Variants in MACROD2 observed in about 807,000 individuals in gnomAD.
MACROD2 encodes mono-ADP ribosylhydrolase 2, also known as ADP-ribose glycohydrolase MACROD2.
A neutral mutation model predicts 70.4 loss-of-function variants in MACROD2; 36 were observed. That is an observed-to-expected ratio of 0.51 (90% confidence interval 0.39 to 0.68). The LOEUF (loss-of-function observed/expected upper bound fraction) is 0.68, where lower values mean the gene tolerates loss of function less well. Among genes scored for constraint, MACROD2 ranks in the 30% least tolerant of loss-of-function variants. The pLI is 0.00. For missense variants in MACROD2, 496 were observed against 538.4 expected (o/e 0.92, Z 0.78); for synonymous variants, 172 against 178.8 (o/e 0.96, Z 0.30).
intron 3 of MACROD2, among the ~76,000 whole-genome samples, chr20:14,102,834 G>A (rs957692179): frequency 3.3e-5 from 5 of 151,972 alleles, no homozygotes; most frequent in African/African-American, 9.7e-5. Flanking sequence ...GATGTAGGAT[G>A]GGGAAGAACT....
At chr20:15,624,261 G>T (rs1411020310) in intron 8 of MACROD2, among the ~76,000 whole-genome samples, 1 of 152,222 alleles carries the variant, frequency 6.6e-6, no homozygotes, top group Non-Finnish European at 1.5e-5. Flanking sequence ...GCCTTTTCTA[G>T]CCATGCTGGC....
chr20:16,042,596 G>C (rs1046862212), intron 16 of MACROD2, among the ~76,000 whole-genome samples: 8 of 151,980 alleles, frequency 5.3e-5, no homozygotes, highest in African/African-American at 4.8e-5. Flanking sequence ...CCATTTATTA[G>C]TAGGTTTTAG....
intron 5 of MACROD2, chr20:14,935,120 A>G (rs535751102): frequency 1.4e-5 from 2 of 139,158 alleles, no homozygotes; most frequent in Non-Finnish European, 3.1e-5. Flanking sequence ...TACAAATCCT[A>G]TATTTCACAC....
chr20:14,567,999 T>G (rs1466192936), intron 4 of MACROD2, among the ~76,000 whole-genome samples: 2 of 152,118 alleles, frequency 1.3e-5, no homozygotes, highest in Admixed American at 6.6e-5. Flanking sequence ...GAGCACATAC[T>G]TAGGACTGCC....
intron 3 of MACROD2, among the ~76,000 whole-genome samples, chr20:14,108,984 G>A (rs1216125653): frequency 1.3e-5 from 2 of 152,010 alleles, no homozygotes; most frequent in African/African-American, 2.4e-5. Context: ...TCAGCACGTG[G>A]ATCATTCTTA....
chr20:15,895,279 G>A (rs748767285), intron 10 of MACROD2, among the ~76,000 whole-genome samples: 1 of 152,150 alleles, frequency 6.6e-6, no homozygotes, highest in African/African-American at 2.4e-5. Context: ...CTGTAATTAT[G>A]TGGTCTAACA....
At chr20:15,426,520 A>G (rs2146349291) in intron 6 of MACROD2, among the ~76,000 whole-genome samples, 1 of 151,704 alleles carries the variant, frequency 6.6e-6, no homozygotes, top group South Asian at 2.1e-4. Context: ...AATTTTTTGT[A>G]TTTTTAGTAG....
At chr20:15,818,783 C>A (rs573923744) in intron 8 of MACROD2, among the ~76,000 whole-genome samples, 3 of 152,156 alleles carry the variant, frequency 2.0e-5, no homozygotes, top group South Asian at 2.1e-4. Flanking sequence ...AGCCAGTGCC[C>A]TGTGCTAATA....
At chr20:15,116,928 G>T (rs186235324) in intron 5 of MACROD2, among the ~76,000 whole-genome samples, 3 of 152,290 alleles carry the variant, frequency 2.0e-5, no homozygotes, top group East Asian at 3.9e-4. Context: ...TCTTTTTAAA[G>T]AAGTTAAAAT....
At chr20:15,192,052 ATCT>A (rs1404494721) in intron 5 of MACROD2, among the ~76,000 whole-genome samples, 1 of 150,762 alleles carries the variant, frequency 6.6e-6, no homozygotes, top group East Asian at 2.0e-4. Flanking sequence ...CTATCTATCT[ATCT>A]ATCTATCTAA....
intron 4 of MACROD2, among the ~76,000 whole-genome samples, chr20:14,587,647 T>A (rs1200996316): frequency 1.3e-5 from 2 of 151,946 alleles, no homozygotes; most frequent in Admixed American, 1.3e-4. Context: ...TACATTTATA[T>A]AACACATATT....
intron 8 of MACROD2, among the ~76,000 whole-genome samples, chr20:15,635,625 A>AC (rs2049351907): frequency 6.6e-6 from 1 of 152,128 alleles, no homozygotes; most frequent in Non-Finnish European, 1.5e-5. Flanking sequence ...GGGTTAAAAA[A>AC]CTATTGGGTA....
Position 14,225,458 on chromosome 20 carries a change from T to C in MACROD2, c.271+139730T>C, listed in dbSNP as rs905976293. ...TGTAGTTATTCTCTTTGAAAAAGTATATTCATTTTCTAAAATGTACTTAGC... is the reference window on the plus strand; with the variant it reads ...TGTAGTTATTCTCTTTGAAAAAGTACATTCATTTTCTAAAATGTACTTAGC... On this transcript the variant is annotated intron_variant, in intron 3 of 17. Transcript: ENST00000684519. Among the ~76,000 whole-genome samples, 61 of 152,238 alleles carry C rather than the reference T, an allele frequency of 4.0e-4. 1 individual carries two copies. The highest frequency in any genetic ancestry group is 1.5e-3 in the Admixed American group (23 of 15,288).
chr20:15,713,987 G>GCACACACGCACACACGCA (rs1555868660), intron 8 of MACROD2, among the ~76,000 whole-genome samples: 1 of 117,698 alleles, frequency 8.5e-6, no homozygotes, highest in African/African-American at 2.8e-5. Context: ...ACACACATAT[G>GCACACACGCACACACGCA]CACACACACA....
intron 8 of MACROD2, among the ~76,000 whole-genome samples, chr20:15,835,667 T>C (rs753807220): frequency 6.6e-6 from 1 of 152,176 alleles, no homozygotes; most frequent in Non-Finnish European, 1.5e-5. Context: ...TCTACATGTA[T>C]GTGAAATATT....
intron 8 of MACROD2, among the ~76,000 whole-genome samples, chr20:15,740,761 A>G (rs1226501621): frequency 6.6e-6 from 1 of 151,954 alleles, no homozygotes; most frequent in Non-Finnish European, 1.5e-5. Context: ...CAGGTAGTCA[A>G]ATCACAACTC....
chr20:15,158,178 A>T (rs1377202588), intron 5 of MACROD2, among the ~76,000 whole-genome samples: 1 of 152,176 alleles, frequency 6.6e-6, no homozygotes, highest in African/African-American at 2.4e-5. Flanking sequence ...AAATGGCTTC[A>T]AATGGATATG....
chr20:14,171,898 C>T (rs1006600024), intron 3 of MACROD2, among the ~76,000 whole-genome samples: 9 of 152,164 alleles, frequency 5.9e-5, no homozygotes, highest in African/African-American at 2.2e-4. Flanking sequence ...TGTTGACTTT[C>T]TGTCTTGATG....
At chr20:15,196,814 C>A in intron 5 of MACROD2, 1 of 969,828 alleles carries the variant, frequency 1.0e-6, no homozygotes, top group Non-Finnish European at 1.2e-6. Flanking sequence ...CTACCCCTCC[C>A]TTCTGCCTTG....
Sources: allele counts gnomAD v4.1 joint callset (sites outside exome capture counted in the v4.1 genomes callset), GRCh38; gene constraint gnomAD v4.1.1; transcripts MANE v1.5; gene names NCBI Gene and HGNC (gene_info 2026-07-23, HGNC 2026-07-21).